The following MEF2C variants were observed in gnomAD, a reference collection of about 807,000 sequenced individuals.
MEF2C encodes myocyte enhancer factor 2C.
In MEF2C, 6 loss-of-function variants were observed where a neutral mutation model predicts 50.5. The ratio of observed to expected loss-of-function variants is 0.12; its 90% CI spans 0.07 to 0.23. MEF2C has a LOEUF of 0.23. Ranked by LOEUF, MEF2C falls within the 10% of genes least tolerant of loss-of-function variation. The probability of loss-of-function intolerance (pLI) is 1.00; values close to 1 mark genes in which losing one functional copy is unlikely to be tolerated. For synonymous variants in MEF2C, 183 were observed against 228.0 expected (o/e 0.80, Z 1.78); for missense variants, 276 against 605.0 (o/e 0.46, Z 5.70).
chr5:88,877,081 G>T (rs1462707646), intron 1 of MEF2C, among the ~76,000 whole-genome samples: 2 of 151,950 alleles, frequency 1.3e-5, no homozygotes, highest in African/African-American at 4.8e-5. Context: ...GAACAACATT[G>T]CTCCATTCAT....
intron 2 of MEF2C, among the ~76,000 whole-genome samples, chr5:88,822,038 A>G (rs1157836096): frequency 6.6e-6 from 1 of 151,930 alleles, no homozygotes; most frequent in Admixed American, 6.6e-5. Flanking sequence ...CATATTATAT[A>G]CAACTATTAT....
chr5:88,748,896 T>G, intron 6 of MEF2C, 174 bp downstream of exon 6: 1 of 985,350 alleles, frequency 1.0e-6, no homozygotes, highest in Non-Finnish European at 1.2e-6. Context: ...TTCTTCTAAG[T>G]TACTATTTAA....
At chr5:88,849,855 A>T (rs1450886045) in intron 1 of MEF2C, among the ~76,000 whole-genome samples, 1 of 152,232 alleles carries the variant, frequency 6.6e-6, no homozygotes, top group African/African-American at 2.4e-5. Context: ...ATGTAGGATT[A>T]TGTGGTAATT....
rs909229922 is a variant in MEF2C at position 88,866,186 on chromosome 5, G to A, written c.-143+16769C>T. ...GCTGGGATTACAGGAGTGAGCCACC[G>A]CGCCCGGCCCAAGTCACATTTCAAA... On this transcript the variant is annotated intron_variant, in intron 1 of 10. Coordinates refer to ENST00000504921, the MANE Select transcript of MEF2C (RefSeq NM_002397.5). Among the ~76,000 whole-genome samples, 5 of 152,274 alleles carry A rather than the reference G, an allele frequency of 3.3e-5. No homozygotes were observed. In the East Asian group the frequency reaches 9.6e-4, roughly 29 times the overall value.
chr5:88,816,524 A>C (rs528117192), intron 2 of MEF2C, among the ~76,000 whole-genome samples: 2 of 90,238 alleles, frequency 2.2e-5, no homozygotes, highest in Non-Finnish European at 4.5e-5. Flanking sequence ...TATTTAGGTC[A>C]TTTTCCCTTC....
At chr5:88,730,613 GT>G (rs1761035307) in intron 7 of MEF2C, among the ~76,000 whole-genome samples, 1 of 152,184 alleles carries the variant, frequency 6.6e-6, no homozygotes, top group Non-Finnish European at 1.5e-5. Flanking sequence ...GACAGCATCA[GT>G]TTTAAGGGAC....
At chr5:88,886,607 A>G (rs1048317604), upstream of MEF2C, among the ~76,000 whole-genome samples, 1 of 152,236 alleles carries the variant, frequency 6.6e-6, no homozygotes, top group African/African-American at 2.4e-5. Flanking sequence ...GTTAAATAAT[A>G]GGTGACAATT....
intron 2 of MEF2C, among the ~76,000 whole-genome samples, chr5:88,813,394 T>G (rs907474904): frequency 6.6e-6 from 1 of 152,036 alleles, no homozygotes; most frequent in African/African-American, 2.4e-5. Context: ...TTAGTTTGAC[T>G]ACTGTGAAAT....
intron 1 of MEF2C, among the ~76,000 whole-genome samples, chr5:88,848,667 G>A (rs1336527504): frequency 3.9e-5 from 6 of 151,930 alleles, no homozygotes; most frequent in Admixed American, 3.9e-4. Flanking sequence ...TTTGGATTTT[G>A]GTAAAAAAAT....
chr5:88,731,872 G>T lies in MEF2C; in HGVS notation c.667C>A (p.Pro223Thr). ...TTACCAGGTGAGACCAGCAGACCTG[G>T]TGAGTTTCGGGGATTGCCATACCCG... is the stretch of plus-strand genomic sequence containing the variant. ...GNGYGNPRNS[P>T]GLLVSPGNLN... The change falls in exon 7 of 11, where the codon CCA becomes ACA. Residue 223 changes from proline to threonine, a missense_variant. Physicochemically the swap from Pro to Thr is conservative, Grantham distance 38. This residue lies in a region of MEF2C where 256 missense variants were observed against 468.1 expected (regional missense o/e 0.55). Transcript: ENST00000504921. The T allele has an allele frequency of 6.2e-7, 1 of 1,612,978 alleles. No homozygotes were observed.
chr5:88,820,413 G>A (rs1807725677), intron 2 of MEF2C, among the ~76,000 whole-genome samples: 1 of 151,852 alleles, frequency 6.6e-6, no homozygotes, highest in African/African-American at 2.4e-5. Flanking sequence ...CTTCCATTAT[G>A]AAAGACAGCT....
At position 88,738,376 on chromosome 5, in the gene MEF2C, T is replaced by C. The variant is rs142558675; in HGVS notation, c.638-6475A>G. 885 of 985,058 alleles carry C rather than the reference T, an allele frequency of 9.0e-4. 5 individuals carry two copies. In the African/African-American group the frequency reaches 0.014, roughly 16 times the overall value. The allele number at this position is 985,058 out of a possible 1,614,324, so 61.0% of individuals were successfully genotyped here. ...CAGAAGAGTACCAGGCACTTGTAAC[T>C]GCTATGTAAGTGCTAGATATTGTAC... On this transcript the variant is annotated intron_variant, in intron 6 of 10. Transcript: ENST00000504921.
intron 1 of MEF2C, among the ~76,000 whole-genome samples, chr5:88,851,233 C>CAAAA (rs35458971): frequency 6.7e-4 from 71 of 106,696 alleles, no homozygotes; most frequent in African/African-American, 1.3e-3. Flanking sequence ...CTCCATCTCA[C>CAAAA]AAAAAAAAAA....
chr5:88,801,472 G>A (rs1158738416), intron 3 of MEF2C, among the ~76,000 whole-genome samples: 3 of 150,386 alleles, frequency 2.0e-5, no homozygotes, highest in African/African-American at 2.4e-5. Flanking sequence ...CAAATTTAGT[G>A]TGTCTAAGAA....
At chr5:88,876,761 A>C (rs965110186) in intron 1 of MEF2C, among the ~76,000 whole-genome samples, 30 of 152,064 alleles carry the variant, frequency 2.0e-4, no homozygotes, top group African/African-American at 7.0e-4. Context: ...ATTTTTAAAA[A>C]AACACTTCAC....
intron 6 of MEF2C, among the ~76,000 whole-genome samples, chr5:88,744,712 C>G (rs1768524121): frequency 1.3e-5 from 2 of 152,198 alleles, no homozygotes; most frequent in South Asian, 4.1e-4. Flanking sequence ...TAATGACTTG[C>G]TGTATATTTC....
chr5:88,811,414 C>T (rs1185072214), intron 2 of MEF2C, among the ~76,000 whole-genome samples: 1 of 152,074 alleles, frequency 6.6e-6, no homozygotes, highest in Admixed American at 6.6e-5. Context: ...AATATGTTCA[C>T]ATAGAGCTGC....
intron 1 of MEF2C, among the ~76,000 whole-genome samples, chr5:88,871,555 A>G (rs1020451395): frequency 1.3e-5 from 2 of 152,028 alleles, no homozygotes; most frequent in Non-Finnish European, 1.5e-5. Flanking sequence ...CAAAAGCATG[A>G]TAACAATTTC....
chr5:88,783,930 T>C (rs1468071203), intron 3 of MEF2C, among the ~76,000 whole-genome samples: 1 of 152,242 alleles, frequency 6.6e-6, no homozygotes, highest in East Asian at 1.9e-4. Context: ...AATTATTGCT[T>C]GAATAAAACA....
Sources: gnomAD v4.1 joint callset for allele counts (sites outside exome capture counted in the v4.1 genomes callset) on GRCh38, gnomAD v4.1.1 for gene constraint, gnomAD v4.1.1 regional missense constraint, MANE v1.5 for transcripts, NCBI Gene and HGNC (gene_info 2026-07-23, HGNC 2026-07-21) for gene names.